The following RYR2 variants were observed in gnomAD, a reference collection of about 807,000 sequenced individuals.
The protein encoded by RYR2 is ryanodine receptor 2.
Under a neutral mutation model 601.1 loss-of-function variants are expected in RYR2, and 227 were observed. The ratio of observed to expected loss-of-function variants is 0.38; its 90% CI spans 0.34 to 0.42. RYR2 has a LOEUF of 0.42. Ranked by LOEUF, RYR2 falls within the 10% of genes least tolerant of loss-of-function variation. The pLI is 1.00. For missense variants in RYR2, 4,646 were observed against 6,156.5 expected, an observed-to-expected ratio of 0.75 and a Z score of 8.21; for synonymous variants, 2,223 against 2,175.1, an observed-to-expected ratio of 1.02 and a Z score of -0.61.
At chr1:237,769,721 TC>T (rs1347309764) in intron 84 of RYR2, among the ~76,000 whole-genome samples, 1 of 151,410 alleles carries the variant, frequency 6.6e-6, no homozygotes, top group East Asian at 1.9e-4. Flanking sequence ...AGTATTTATT[TC>T]CATTCTGTAA....
rs758505260 is a variant in RYR2, at chr1:237,614,327, G to A, written c.5199G>A (p.Thr1733=). The change falls in exon 37 of 105, where the codon ACG becomes ACA. Residue 1733 remains threonine (T), a synonymous_variant. Transcript: ENST00000366574. This position sits in a 1 kb window ranked among gnomAD's most constrained non-coding sequence, Gnocchi z 4.3. The part of the protein sequence containing the change: ...NEYIVPMTEE[T]KSITLFPDEN... The stretch of plus-strand genomic sequence containing the variant: ...ACATTGTCCCCATGACGGAGGAGAC[G>A]AAGAGCATCACCCTGTTCCCTGATG... The A allele has an allele frequency of 2.9e-5, 46 of 1,613,894 alleles. 1 individual carries two copies. In the Admixed American group the frequency reaches 3.3e-4, roughly 12 times the overall value.
chr1:237,256,610 G>A (rs145504681), intron 1 of RYR2, among the ~76,000 whole-genome samples: 65 of 152,264 alleles, frequency 4.3e-4, no homozygotes, highest in African/African-American at 1.2e-3. Flanking sequence ...TTGTGAAAGC[G>A]GTAATTGAAG....
chr1:237,612,498 CTT>C (rs754601213), intron 36 of RYR2, among the ~76,000 whole-genome samples: 83 of 151,940 alleles, frequency 5.5e-4, no homozygotes, highest in Non-Finnish European at 8.2e-4. Context: ...CTAGTTAATT[CTT>C]TTTATGTATT....
intron 29 of RYR2, among the ~76,000 whole-genome samples, chr1:237,587,760 A>G (rs1429213465): frequency 6.6e-6 from 1 of 152,230 alleles, no homozygotes; most frequent in Non-Finnish European, 1.5e-5. Flanking sequence ...AGTATTTCAA[A>G]TATGCAGAAA....
intron 38 of RYR2, among the ~76,000 whole-genome samples, chr1:237,622,751 T>C (rs1472921618): frequency 2.0e-5 from 3 of 152,214 alleles, no homozygotes; most frequent in Non-Finnish European, 2.9e-5. Flanking sequence ...AATTTAGAGA[T>C]GATTTAAAAT....
chr1:237,367,371 C>T (rs10925386), intron 5 of RYR2, among the ~76,000 whole-genome samples: 1 of 151,654 alleles, frequency 6.6e-6, no homozygotes, highest in African/African-American at 2.4e-5. Context: ...GGATTACAAG[C>T]GTGAGCCACT....
intron 1 of RYR2, among the ~76,000 whole-genome samples, chr1:237,127,332 A>G (rs1328746108): frequency 1.3e-5 from 2 of 151,178 alleles, no homozygotes; most frequent in African/African-American, 2.4e-5. Context: ...GGCCGGGCAG[A>G]GGGGCTCCTC....
At chr1:237,770,280 A>G (rs1431552037) in intron 84 of RYR2, among the ~76,000 whole-genome samples, 1 of 152,230 alleles carries the variant, frequency 6.6e-6, no homozygotes, top group Non-Finnish European at 1.5e-5. Flanking sequence ...AAAGTTAATT[A>G]AAACAAGTTA....
intron 47 of RYR2, among the ~76,000 whole-genome samples, chr1:237,641,982 A>T (rs1003731963): frequency 1.7e-4 from 11 of 66,100 alleles, no homozygotes; most frequent in African/African-American, 7.9e-4. Flanking sequence ...ATATTCATTT[A>T]AAAAAAAATC....
chr1:237,678,165 C>A (rs756049598), intron 61 of RYR2, 53 bp downstream of exon 61: 71 of 975,716 alleles, frequency 7.3e-5, no homozygotes, highest in Non-Finnish European at 1.1e-4. Context: ...TTTACATACC[C>A]TACTCATTAG....
chr1:237,417,521 T>G (rs1252456329), intron 11 of RYR2, among the ~76,000 whole-genome samples: 1 of 152,164 alleles, frequency 6.6e-6, no homozygotes, highest in Non-Finnish European at 1.5e-5. Context: ...GACTGTGGAT[T>G]TAACCTTCTA....
chr1:237,559,754 T>G (rs1330391684), intron 27 of RYR2, among the ~76,000 whole-genome samples: 1 of 152,254 alleles, frequency 6.6e-6, no homozygotes, highest in African/African-American at 2.4e-5. Context: ...ATTGAACATT[T>G]AAAGTAATGT....
intron 28 of RYR2, among the ~76,000 whole-genome samples, chr1:237,568,497 G>A (rs1347760976): frequency 6.6e-6 from 1 of 152,022 alleles, no homozygotes; most frequent in Non-Finnish European, 1.5e-5. Context: ...TTCACTTTAT[G>A]TATATATATA....
At chr1:237,657,699 T>G (rs966244822) in intron 53 of RYR2, among the ~76,000 whole-genome samples, 2 of 151,684 alleles carry the variant, frequency 1.3e-5, no homozygotes, top group African/African-American at 4.8e-5. Flanking sequence ...AGTTTTATAA[T>G]ATGTAATTTG....
At chr1:237,256,337 G>A (rs1687979622) in intron 1 of RYR2, among the ~76,000 whole-genome samples, 1 of 152,178 alleles carries the variant, frequency 6.6e-6, no homozygotes, top group South Asian at 2.1e-4. Context: ...TCTCTGGTAT[G>A]TCTTTATCAG....
At chr1:237,551,605 G>C (rs993088753) in intron 27 of RYR2, among the ~76,000 whole-genome samples, 4 of 150,332 alleles carry the variant, frequency 2.7e-5, no homozygotes, top group African/African-American at 4.9e-5. Flanking sequence ...GTCTGAGTTA[G>C]TTTAATACCC....
At chr1:237,505,513 G>A (rs1572634020) in intron 22 of RYR2, among the ~76,000 whole-genome samples, 1 of 152,118 alleles carries the variant, frequency 6.6e-6, no homozygotes, top group East Asian at 1.9e-4. Flanking sequence ...AAATAAACAT[G>A]CAAACATTGT....
intron 1 of RYR2, among the ~76,000 whole-genome samples, chr1:237,048,710 A>G (rs1660888882): frequency 6.6e-6 from 1 of 152,176 alleles, no homozygotes; most frequent in African/African-American, 2.4e-5. Context: ...AACTCAAGCA[A>G]TGGTCAGAGA....
chr1:237,493,538 C>T (rs1663654692), intron 19 of RYR2, among the ~76,000 whole-genome samples: 1 of 152,120 alleles, frequency 6.6e-6, no homozygotes, highest in East Asian at 1.9e-4. Flanking sequence ...CTGCAAGCTC[C>T]ACCTCCCGGG....
Sources: allele counts gnomAD v4.1 joint callset (sites outside exome capture counted in the v4.1 genomes callset), GRCh38; gene constraint gnomAD v4.1.1; non-coding constraint Gnocchi (gnomAD v3.1); transcripts MANE v1.5; gene names NCBI Gene and HGNC (gene_info 2026-07-23, HGNC 2026-07-21).